The following BNC2 variants were observed in gnomAD, a reference collection of about 807,000 sequenced individuals.
BNC2 encodes basonuclin zinc finger protein 2, also known as zinc finger protein basonuclin-2.
BNC2 carries 20 observed loss-of-function variants against 76.3 expected under a neutral mutation model. The ratio of observed to expected loss-of-function variants is 0.26; its 90% CI spans 0.18 to 0.38. The LOEUF (loss-of-function observed/expected upper bound fraction) is 0.38. Ranked by LOEUF, BNC2 falls within the 10% of genes least tolerant of loss-of-function variation. The probability of loss-of-function intolerance (pLI) is 1.00; values close to 1 mark genes in which losing one functional copy is unlikely to be tolerated. For synonymous variants in BNC2, 582 were observed against 514.8 expected (o/e 1.13, Z -1.77); for missense variants, 1,382 against 1,399.8 (o/e 0.99, Z 0.20).
intron 5 of BNC2, among the ~76,000 whole-genome samples, chr9:16,472,453 A>G (rs1015397485): frequency 6.6e-6 from 1 of 152,194 alleles, no homozygotes; most frequent in African/African-American, 2.4e-5. Flanking sequence ...ACCTTCACCT[A>G]GGTTCTTATA....
intron 4 of BNC2, among the ~76,000 whole-genome samples, chr9:16,571,798 C>T (rs1195791113): frequency 2.0e-5 from 3 of 152,024 alleles, no homozygotes; most frequent in Non-Finnish European, 2.9e-5. Flanking sequence ...GACAGGTTTT[C>T]CGCTGACAAG....
chr9:16,555,472 AT>A (rs1818800100), intron 4 of BNC2, among the ~76,000 whole-genome samples: 2 of 152,166 alleles, frequency 1.3e-5, no homozygotes, highest in South Asian at 4.1e-4. Flanking sequence ...ACACTAGTTG[AT>A]TCTTCTTCAT....
intron 3 of BNC2, among the ~76,000 whole-genome samples, chr9:16,644,296 G>A (rs781168508): frequency 1.3e-5 from 2 of 152,120 alleles, no homozygotes; most frequent in African/African-American, 4.8e-5. Flanking sequence ...AAGATGAACA[G>A]AGAAATGACA....
intron 3 of BNC2, among the ~76,000 whole-genome samples, chr9:16,592,206 T>C (rs958399982): frequency 1.3e-5 from 2 of 151,992 alleles, no homozygotes; most frequent in East Asian, 3.9e-4. Flanking sequence ...TCGAAAGAGA[T>C]TCACTGGGAA....
In BNC2 at chr9:16,436,392, A is replaced by G. The variant is rs367562679; in HGVS notation, c.1802T>C (p.Ile601Thr). 97 of 1,613,830 alleles carry G rather than the reference A, an allele frequency of 6.0e-5. No homozygotes were observed. Among genetic ancestry groups the G allele is most frequent in the Non-Finnish European group, 7.5e-5 (88 of 1,180,018 alleles). Reference protein sequence around the residue: ...TSPIIPTSGTIEQHPPPPSEP... With the variant: ...TSPIIPTSGTTEQHPPPPSEP... Reference sequence around the variant, plus strand: ...AGAGGGTGGCGGGGGGTGCTGCTCTATGGTACCACTGGTTGGAATGATGGG... The same window carrying G: ...AGAGGGTGGCGGGGGGTGCTGCTCTGTGGTACCACTGGTTGGAATGATGGG... Residue 601 changes from isoleucine (I) to threonine (T), a missense_variant, in exon 6 of 7, where the codon ATA (isoleucine) becomes ACA (threonine). Around this residue, in one of 3 missense-constraint regions of BNC2, gnomAD observed 798 missense variants for 775.5 expected, o/e 1.03. Coordinates refer to ENST00000380672, the MANE Select transcript of BNC2 (RefSeq NM_017637.6).
intron 1 of BNC2, among the ~76,000 whole-genome samples, chr9:16,814,216 G>A (rs1330056477): frequency 2.0e-5 from 3 of 152,172 alleles, no homozygotes; most frequent in Admixed American, 1.3e-4. Context: ...TTGTCTATAA[G>A]GTAAAGAATA....
At chr9:16,431,428 C>CTT in intron 6 of BNC2, 1 of 470,196 alleles carries the variant, frequency 2.1e-6, no homozygotes, top group Non-Finnish European at 4.4e-6. Context: ...ATCACGCTCT[C>CTT]TTCAAGAGAA....
intron 1 of BNC2, among the ~76,000 whole-genome samples, chr9:16,849,032 T>C (rs762023349): frequency 2.0e-5 from 3 of 152,220 alleles, no homozygotes; most frequent in Non-Finnish European, 4.4e-5. Context: ...TGAATAAATC[T>C]GAATTTTGGT....
At chr9:16,535,717 C>T (rs1373935896) in intron 5 of BNC2, among the ~76,000 whole-genome samples, 1 of 152,128 alleles carries the variant, frequency 6.6e-6, no homozygotes, top group Admixed American at 6.6e-5. Context: ...CCCCAAATTG[C>T]TCATGTCTTT....
chr9:16,553,311 G>T (rs1161201938), intron 4 of BNC2, among the ~76,000 whole-genome samples: 2 of 152,172 alleles, frequency 1.3e-5, no homozygotes, highest in Non-Finnish European at 2.9e-5. Flanking sequence ...GAGGGAATAA[G>T]GAAAGCTGAC....
intron 1 of BNC2, among the ~76,000 whole-genome samples, chr9:16,756,071 T>C (rs998574922): frequency 6.6e-6 from 1 of 152,194 alleles, no homozygotes; most frequent in African/African-American, 2.4e-5. Context: ...TACAGAAGAC[T>C]ATCAAAAGGG....
intron 3 of BNC2, among the ~76,000 whole-genome samples, chr9:16,659,124 G>GTGGGTAAA (rs1297343497): frequency 6.8e-6 from 1 of 147,236 alleles, no homozygotes; most frequent in Non-Finnish European, 1.5e-5. Flanking sequence ...ATGGACAGGT[G>GTGGGTAAA]TGGGTAAATG....
rs138300734 is a variant in BNC2, at chr9:16,680,407, T to C, written c.330+47390A>G. Among the ~76,000 whole-genome samples, 330 of 152,188 alleles carry C rather than the reference T, an allele frequency of 2.2e-3. 2 individuals carry two copies. The highest frequency in any genetic ancestry group is 7.6e-3 in the African/African-American group (316 of 41,520). On this transcript the variant is annotated intron_variant, in intron 3 of 6. Coordinates refer to ENST00000380672, the MANE Select transcript of BNC2 (RefSeq NM_017637.6). ...TTATACTCCTCATTTAAATTTCATA[T>C]AAAAATATAAATTCACATAATCACA...
At chr9:16,507,617 C>G (rs1408392932) in intron 5 of BNC2, among the ~76,000 whole-genome samples, 5 of 152,084 alleles carry the variant, frequency 3.3e-5, no homozygotes, top group Non-Finnish European at 5.9e-5. Context: ...TTAGTAGAGA[C>G]AGGGTTTCAT....
intron 1 of BNC2, among the ~76,000 whole-genome samples, chr9:16,823,081 T>G (rs746532366): frequency 6.6e-5 from 10 of 152,206 alleles, no homozygotes; most frequent in Non-Finnish European, 1.2e-4. Flanking sequence ...ATCAAATCAG[T>G]CTTCTTCATA....
chr9:16,794,472 G>C (rs1392812798), intron 1 of BNC2, among the ~76,000 whole-genome samples: 3 of 152,136 alleles, frequency 2.0e-5, no homozygotes, highest in African/African-American at 7.2e-5. Context: ...TCATTAACAG[G>C]GTTGGCATTA....
chr9:16,517,170 G>A (rs1373629869), intron 5 of BNC2, among the ~76,000 whole-genome samples: 1 of 152,222 alleles, frequency 6.6e-6, no homozygotes, highest in African/African-American at 2.4e-5. Context: ...ATTTACTGTT[G>A]TGTATAAGGT....
chr9:16,751,972 T>C (rs1012860714), intron 1 of BNC2, among the ~76,000 whole-genome samples: 3 of 151,994 alleles, frequency 2.0e-5, no homozygotes, highest in Admixed American at 6.6e-5. Flanking sequence ...GAGGTTGCAG[T>C]GAGCCCAGAT....
intron 5 of BNC2, among the ~76,000 whole-genome samples, chr9:16,537,762 A>G (rs1818174219): frequency 6.6e-6 from 1 of 152,302 alleles, no homozygotes; most frequent in African/African-American, 2.4e-5. Flanking sequence ...AATTTAAACT[A>G]TCAGACACTC....
Sources: gnomAD v4.1 joint callset for allele counts (sites outside exome capture counted in the v4.1 genomes callset) on GRCh38, gnomAD v4.1.1 for gene constraint, gnomAD v4.1.1 regional missense constraint, MANE v1.5 for transcripts, NCBI Gene and HGNC (gene_info 2026-07-23, HGNC 2026-07-21) for gene names.